ALPK2: variants seen among roughly 807,000 people sequenced by gnomAD.
ALPK2 encodes the protein alpha-protein kinase 2.
In ALPK2, 127 loss-of-function variants were observed where a neutral mutation model predicts 163.1. The ratio of observed to expected loss-of-function variants is 0.78; its 90% CI spans 0.67 to 0.90. ALPK2 has a LOEUF of 0.90. Among genes scored for constraint, ALPK2 ranks in the 40% least tolerant of loss-of-function variants. The probability of loss-of-function intolerance (pLI) is 0.00; values close to 1 mark genes in which losing one functional copy is unlikely to be tolerated. For missense variants in ALPK2, 2,360 were observed against 2,589.6 expected, an observed-to-expected ratio of 0.91 and a Z score of 1.92; for synonymous variants, 953 against 959.1, an observed-to-expected ratio of 0.99 and a Z score of 0.12.
chr18:58,551,658 C>A (rs1203235034), intron 4 of ALPK2, among the ~76,000 whole-genome samples: 1 of 152,200 alleles, frequency 6.6e-6, no homozygotes, highest in Non-Finnish European at 1.5e-5. Flanking sequence ...AGTCACTTGA[C>A]TGGGTGGGTG....
chr18:58,572,560 T>C (rs1479769786), intron 4 of ALPK2, among the ~76,000 whole-genome samples: 6 of 152,206 alleles, frequency 3.9e-5, no homozygotes, highest in Admixed American at 3.9e-4. Flanking sequence ...GAATGAACTT[T>C]TGATACACAC....
intron 12 of ALPK2, among the ~76,000 whole-genome samples, chr18:58,491,649 C>T (rs908653744): frequency 2.0e-5 from 3 of 152,172 alleles, no homozygotes; most frequent in Non-Finnish European, 4.4e-5. Context: ...TTCCCGACCC[C>T]CAATCCCCAA....
rs751789240 is a variant in ALPK2 at position 58,579,943 on chromosome 18, T to C, written c.833A>G (p.Glu278Gly). The part of the protein sequence containing the change: ...KYISFSLPLS[E>G]ATAHIYPGDS... The stretch of plus-strand genomic sequence containing the variant: ...ACCTGGGTAAATGTGTGCAGTTGCC[T>C]CAGATAGCGGGAGGCTGAAGCTAAT... Residue 278 changes from glutamate (E) to glycine (G), a missense_variant, in exon 4 of 13, where the codon GAG (glutamate) becomes GGG (glycine). Coordinates refer to ENST00000361673, the MANE Select transcript of ALPK2 (RefSeq NM_052947.4). 1 of 1,614,192 alleles carries C rather than the reference T, an allele frequency of 6.2e-7. No homozygotes were observed. Among genetic ancestry groups the C allele is most frequent in the Non-Finnish European group, 8.5e-7 (1 of 1,180,028 alleles).
chr18:58,615,832 T>C (rs1045638974), intron 1 of ALPK2, among the ~76,000 whole-genome samples: 94 of 152,318 alleles, frequency 6.2e-4, no homozygotes, highest in African/African-American at 2.0e-3. Context: ...CATCTGTGAC[T>C]CCTCCCCAGG....
chr18:58,515,128 C>A, intron 9 of ALPK2, 47 bp from the exon 10 acceptor site: 1 of 1,430,212 alleles, frequency 7.0e-7, no homozygotes, highest in South Asian at 1.2e-5. Flanking sequence ...ACAGGAAATT[C>A]AGACAGTATT....
At chr18:58,610,371 G>C (rs1416930101) in intron 2 of ALPK2, among the ~76,000 whole-genome samples, 1 of 151,186 alleles carries the variant, frequency 6.6e-6, no homozygotes, top group Admixed American at 6.6e-5. Context: ...CAAGGGTAGA[G>C]ACATAATCCA....
intron 8 of ALPK2, among the ~76,000 whole-genome samples, chr18:58,523,044 C>T (rs2144132015): frequency 7.1e-6 from 1 of 141,298 alleles, no homozygotes; most frequent in South Asian, 2.5e-4. Context: ...GGTATATCTC[C>T]TAATGCTAAC....
chr18:58,541,443 A>T (rs1350248027), intron 4 of ALPK2, among the ~76,000 whole-genome samples: 1 of 152,254 alleles, frequency 6.6e-6, no homozygotes, highest in Non-Finnish European at 1.5e-5. Flanking sequence ...AACATTGGGG[A>T]TTACATCTCA....
chr18:58,610,492 C>T (rs1408128595), intron 2 of ALPK2, among the ~76,000 whole-genome samples: 1 of 152,176 alleles, frequency 6.6e-6, no homozygotes, highest in Non-Finnish European at 1.5e-5. Context: ...AGTACCCATA[C>T]TTGATCAATT....
Position 58,578,891 on chromosome 18 carries a change from T to C in ALPK2, c.1885A>G (p.Asn629Asp). Residue 629 changes from asparagine to aspartate, a missense_variant, in exon 4 of 13, where the codon AAT (asparagine) becomes GAT (aspartate). Physicochemically the swap from Asn to Asp is conservative, Grantham distance 23 (BLOSUM62 1). Coordinates refer to ENST00000361673, the MANE Select transcript of ALPK2 (RefSeq NM_052947.4). ...TDSVSKEGNT[N>D]CKGEGMQVNT... is the part of the protein sequence containing the mutation. ...ACTTGCATGCCTTCTCCCTTGCAAT[T>C]TGTGTTGCCTTCTTTGGAGACTGAG... 6.2e-7 allele frequency: 1 copy of C among 1,614,182 alleles called. No individual in the cohort carries two copies. The highest frequency in any genetic ancestry group is 8.5e-7 in the Non-Finnish European group (1 of 1,180,020).
In ALPK2 at chr18:58,580,480, GAAC is replaced by G. The variant is rs1280705162; in HGVS notation, c.293_295del (p.Cys98del). ...TGAGCACTCAACCTCAACGGAAGCA[GAAC>G]AACAGATCATTCCAAAAGAGTTTTT... On this transcript the variant is annotated inframe_deletion, in exon 4 of 13. Coordinates refer to ENST00000361673, the MANE Select transcript of ALPK2 (RefSeq NM_052947.4). 6.2e-7 allele frequency: 1 copy of G among 1,614,160 alleles called. No individual in the cohort carries two copies. Among genetic ancestry groups the G allele is most frequent in the Non-Finnish European group, 8.5e-7 (1 of 1,180,020 alleles).
chr18:58,548,313 G>A (rs2051730214), intron 4 of ALPK2, among the ~76,000 whole-genome samples: 1 of 149,368 alleles, frequency 6.7e-6, no homozygotes, highest in Non-Finnish European at 1.5e-5. Context: ...CTCGGGTTTG[G>A]TTTCCTGTGT....
chr18:58,589,660 C>T (rs1029804409), intron 3 of ALPK2, among the ~76,000 whole-genome samples: 1 of 152,202 alleles, frequency 6.6e-6, no homozygotes, highest in Non-Finnish European at 1.5e-5. Flanking sequence ...TATTCTCATG[C>T]TCATCCTACC....
intron 10 of ALPK2, among the ~76,000 whole-genome samples, chr18:58,507,496 G>A (rs2051467728): frequency 6.6e-6 from 1 of 152,214 alleles, no homozygotes; most frequent in South Asian, 2.1e-4. Flanking sequence ...TGCCCATGTG[G>A]TTCCTTTCTC....
chr18:58,623,535 G>A (rs529939251), intron 1 of ALPK2, among the ~76,000 whole-genome samples: 97 of 150,764 alleles, frequency 6.4e-4, no homozygotes, highest in Admixed American at 1.9e-3. Flanking sequence ...GTACAATCTC[G>A]GCTCACTGCA....
intron 4 of ALPK2, chr18:58,577,905 A>G (rs1005108161): frequency 6.6e-6 from 1 of 152,224 alleles, no homozygotes; most frequent in African/African-American, 2.4e-5. Context: ...AAATTGGGAA[A>G]AAGGGGAATA....
intron 1 of ALPK2, 128 bp from the exon 2 acceptor site, chr18:58,611,945 G>C (rs2052134496): frequency 1.7e-6 from 1 of 596,708 alleles, no homozygotes; most frequent in African/African-American, 1.9e-5. Context: ...GCAGACTGAA[G>C]GTCTTTGGGC....
In ALPK2 at chr18:58,535,171, T is replaced by C. The variant is rs2051637175; in HGVS notation, c.5016A>G (p.Pro1672=). The C allele has an allele frequency of 1.9e-6, 3 of 1,613,984 alleles. No homozygotes were observed. The highest frequency in any genetic ancestry group is 1.3e-5 in the African/African-American group (1 of 74,912). ...CACAGCCCAGGGTGCCCTTTTGACA[T>C]GGATCCTGCAGTAATTTAGGGGCTT... ...LEKAPKLLQD[P]CQKGTLGCAK... Residue 1672 remains proline (P), a synonymous_variant, in exon 5 of 13, where the codon CCA becomes CCG. Transcript: ENST00000361673.
At chr18:58,584,422 C>G (rs529937962) in intron 3 of ALPK2, among the ~76,000 whole-genome samples, 8 of 152,290 alleles carry the variant, frequency 5.3e-5, no homozygotes, top group African/African-American at 1.7e-4. Flanking sequence ...AGTTATTTCC[C>G]CAAAGTGACA....
Sources: allele counts gnomAD v4.1 joint callset (sites outside exome capture counted in the v4.1 genomes callset), GRCh38; gene constraint gnomAD v4.1.1; transcripts MANE v1.5; gene names NCBI Gene and HGNC (gene_info 2026-07-23, HGNC 2026-07-21).